SAMD4A: variants seen among roughly 807,000 people sequenced by gnomAD.
SAMD4A encodes the protein sterile alpha motif domain containing 4A.
A neutral mutation model predicts 81.3 loss-of-function variants in SAMD4A; 33 were observed. The ratio of observed to expected loss-of-function variants is 0.41; its 90% CI spans 0.31 to 0.54. The LOEUF (loss-of-function observed/expected upper bound fraction) is 0.54. Ranked by LOEUF, SAMD4A falls within the 20% of genes least tolerant of loss-of-function variation. The pLI is 0.37. For missense variants in SAMD4A, 854 were observed against 951.1 expected (o/e 0.90, Z 1.34); for synonymous variants, 389 against 382.1 (o/e 1.02, Z -0.21).
At chr14:54,643,952 G>A (rs550819634) in intron 2 of SAMD4A, among the ~76,000 whole-genome samples, 3 of 152,158 alleles carry the variant, frequency 2.0e-5, no homozygotes, top group South Asian at 2.1e-4. Flanking sequence ...CACACTGGGC[G>A]GGGAAGACTG....
intron 6 of SAMD4A, 104 bp downstream of exon 6, chr14:54,751,641 A>T: frequency 2.6e-6 from 2 of 771,934 alleles, no homozygotes; most frequent in Non-Finnish European, 4.5e-6. Flanking sequence ...AGAGCGTACC[A>T]TGTGGTTTCC....
chr14:54,702,413 C>G lies in SAMD4A; in HGVS notation c.548C>G (p.Ser183Cys), dbSNP rs766714451. Residue 183 changes from serine (S) to cysteine (C), a missense_variant, in exon 3 of 13, where the codon TCT becomes TGT. Ser to Cys is a moderately radical substitution (Grantham distance 112). Transcript: ENST00000554335. ...QTHYYHQRQN[S>C]DDKLNGWQNS... Reference sequence around the variant, plus strand: ...CACTACTATCACCAAAGACAGAACTCTGATGACAAGCTCAATGGGTGGCAG... The same window carrying G: ...CACTACTATCACCAAAGACAGAACTGTGATGACAAGCTCAATGGGTGGCAG... The G allele has an allele frequency of 6.2e-7, 1 of 1,614,174 alleles. No individual in the cohort carries two copies. Among genetic ancestry groups the G allele is most frequent in the Admixed American group, 1.7e-5 (1 of 60,022 alleles).
At chr14:54,663,755 C>T (rs977826353) in intron 2 of SAMD4A, among the ~76,000 whole-genome samples, 2 of 152,156 alleles carry the variant, frequency 1.3e-5, no homozygotes, top group Non-Finnish European at 2.9e-5. Flanking sequence ...AGGGGAGGTA[C>T]TGTGGGAGCT....
intron 4 of SAMD4A, among the ~76,000 whole-genome samples, chr14:54,741,449 G>A (rs948730187): frequency 6.6e-6 from 1 of 152,206 alleles, no homozygotes; most frequent in African/African-American, 2.4e-5. Context: ...GAAAGAGCAG[G>A]GGAAAAGACT....
chr14:54,674,794 C>T (rs573967194), intron 2 of SAMD4A, among the ~76,000 whole-genome samples: 1 of 152,290 alleles, frequency 6.6e-6, no homozygotes, highest in African/African-American at 2.4e-5. Context: ...GTCACCCAGG[C>T]TGTAGTGCAG....
At chr14:54,742,762 T>C (rs2140947613) in intron 4 of SAMD4A, among the ~76,000 whole-genome samples, 1 of 152,304 alleles carries the variant, frequency 6.6e-6, no homozygotes, top group Non-Finnish European at 1.5e-5. Flanking sequence ...TCATTGAAAC[T>C]GATGTATTAT....
chr14:54,756,446 A>G (rs967453557), intron 6 of SAMD4A, among the ~76,000 whole-genome samples: 3 of 152,070 alleles, frequency 2.0e-5, no homozygotes, highest in Admixed American at 1.3e-4. Flanking sequence ...GATCCCTCTT[A>G]TATGTTCCCA....
At chr14:54,753,210 T>G (rs1326964094) in intron 6 of SAMD4A, among the ~76,000 whole-genome samples, 1 of 152,178 alleles carries the variant, frequency 6.6e-6, no homozygotes, top group Non-Finnish European at 1.5e-5. Flanking sequence ...GTCTTTCTCA[T>G]CCCATGAGGC....
intron 2 of SAMD4A, among the ~76,000 whole-genome samples, chr14:54,623,094 G>A (rs1047202149): frequency 2.6e-5 from 4 of 152,156 alleles, no homozygotes; most frequent in African/African-American, 4.8e-5. Flanking sequence ...CAGCCCTGCC[G>A]GGGCTTGTGT....
At chr14:54,613,741 A>G (rs1477100936) in intron 2 of SAMD4A, among the ~76,000 whole-genome samples, 5 of 152,208 alleles carry the variant, frequency 3.3e-5, no homozygotes, top group Non-Finnish European at 7.4e-5. Flanking sequence ...CATCGATTAC[A>G]CATCATAAGA....
At position 54,617,160 on chromosome 14, in the gene SAMD4A, G is replaced by A. The variant is rs2034509681; in HGVS notation, c.196+49048G>A. On this transcript the variant is annotated intron_variant, in intron 2 of 12. Transcript: ENST00000554335. The stretch of plus-strand genomic sequence containing the variant: ...ATAGTAATATTCTTTACAATTCTAT[G>A]AGAATAAAGGAGGGAAGATGGAAGG... 2.0e-5 allele frequency among the ~76,000 whole-genome samples: 3 copies of A among 152,260 alleles called. No individual in the cohort carries two copies. In the South Asian group the frequency reaches 6.2e-4, roughly 32 times the overall value.
chr14:54,762,955 T>C (rs902935743), intron 7 of SAMD4A, among the ~76,000 whole-genome samples: 1 of 151,616 alleles, frequency 6.6e-6, no homozygotes, highest in Admixed American at 6.6e-5. Context: ...CCCAGGTTCA[T>C]GCCATTCTCC....
chr14:54,625,434 G>T (rs2034721828), intron 2 of SAMD4A, among the ~76,000 whole-genome samples: 2 of 152,196 alleles, frequency 1.3e-5, no homozygotes, highest in South Asian at 4.1e-4. Flanking sequence ...ATTCTGAGAT[G>T]AGCTGCCCGA....
At chr14:54,737,421 C>A in intron 4 of SAMD4A, 134 bp downstream of exon 4, 1 of 1,026,484 alleles carries the variant, frequency 9.7e-7, no homozygotes, top group South Asian at 1.7e-5. Flanking sequence ...TTGATCTGTC[C>A]CTTCCAGAAC....
chr14:54,623,513 A>AAAAAAAAC (rs2034670735), intron 2 of SAMD4A, among the ~76,000 whole-genome samples: 1 of 108,904 alleles, frequency 9.2e-6, no homozygotes, highest in Non-Finnish European at 1.9e-5. Context: ...AAAAAAAAAA[A>AAAAAAAAC]GCAGGGGGAG....
intron 2 of SAMD4A, among the ~76,000 whole-genome samples, chr14:54,587,595 A>C (rs2033658405): frequency 6.6e-6 from 1 of 152,058 alleles, no homozygotes; most frequent in Non-Finnish European, 1.5e-5. Context: ...TTTAATCATA[A>C]AGGGATGCTG....
chr14:54,620,060 G>A (rs955129600), intron 2 of SAMD4A, among the ~76,000 whole-genome samples: 6 of 151,728 alleles, frequency 4.0e-5, no homozygotes, highest in African/African-American at 1.5e-4. Context: ...TAAAACTGAT[G>A]GCTACTCTTG....
At chr14:54,773,412 G>A (rs762279073) in intron 9 of SAMD4A, among the ~76,000 whole-genome samples, 8 of 152,278 alleles carry the variant, frequency 5.3e-5, no homozygotes, top group Non-Finnish European at 1.2e-4. Flanking sequence ...CCATCTTGTG[G>A]CCACTGGAGG....
chr14:54,641,856 G>A (rs1256075231), intron 2 of SAMD4A, among the ~76,000 whole-genome samples: 1 of 152,078 alleles, frequency 6.6e-6, no homozygotes, highest in African/African-American at 2.4e-5. Flanking sequence ...TGAGTACAGT[G>A]GTGCAATCTT....
Sources: allele counts gnomAD v4.1 joint callset (sites outside exome capture counted in the v4.1 genomes callset), GRCh38; gene constraint gnomAD v4.1.1; transcripts MANE v1.5; gene names NCBI Gene and HGNC (gene_info 2026-07-23, HGNC 2026-07-21).